Variants in KAZN observed in about 807,000 individuals in gnomAD.
The protein encoded by KAZN is kazrin, periplakin interacting protein.
A neutral mutation model predicts 87.4 loss-of-function variants in KAZN; 40 were observed. That is an observed-to-expected ratio of 0.46 (90% CI 0.36 to 0.60). The LOEUF (loss-of-function observed/expected upper bound fraction) is 0.60, where lower values mean the gene tolerates loss of function less well. Ranked by LOEUF, KAZN falls within the 20% of genes least tolerant of loss-of-function variation. The pLI is 0.00. For missense variants in KAZN, 898 were observed against 1,073.9 expected, an observed-to-expected ratio of 0.84 and a Z score of 2.29; for synonymous variants, 466 against 458.3, an observed-to-expected ratio of 1.02 and a Z score of -0.22.
At chr1:14,402,536 A>G (rs1043597662) in intron 2 of KAZN, among the ~76,000 whole-genome samples, 1 of 152,186 alleles carries the variant, frequency 6.6e-6, no homozygotes, top group Non-Finnish European at 1.5e-5. Flanking sequence ...GAATATCTAA[A>G]TGTCATAAAT....
intron 1 of KAZN, among the ~76,000 whole-genome samples, chr1:14,037,524 C>G (rs905656307): frequency 2.6e-5 from 4 of 152,296 alleles, no homozygotes; most frequent in Non-Finnish European, 4.4e-5. Context: ...AATTTAGAAC[C>G]CTGAGTCCTG....
At position 14,514,751 on chromosome 1, in the gene KAZN, G is replaced by A. The variant is rs117054343; in HGVS notation, c.250-84232G>A. On this transcript the variant is annotated intron_variant, in intron 2 of 16. Transcript: ENST00000636203. ...AGGGTCAACCACCCACTAGTTATAC[G>A]GTCTTGACAAATGACTTCAACTTCC... 1.7e-4 allele frequency among the ~76,000 whole-genome samples: 25 copies of A among 149,972 alleles called. 1 individual carries two copies. The South Asian group carries it at 4.8e-3, about 29-fold the overall frequency.
intron 1 of KAZN, among the ~76,000 whole-genome samples, chr1:14,865,216 C>A (rs181540811): frequency 2.0e-5 from 3 of 152,234 alleles, no homozygotes; most frequent in East Asian, 1.9e-4. Context: ...CTGGAGGCAC[C>A]AAGAGGAAGA....
chr1:14,424,256 T>C (rs1325272653), intron 2 of KAZN, among the ~76,000 whole-genome samples: 1 of 152,218 alleles, frequency 6.6e-6, no homozygotes, highest in Non-Finnish European at 1.5e-5. Flanking sequence ...CAGCAAATCG[T>C]AGTCTCATGA....
In KAZN at chr1:15,092,770, C is replaced by T. The variant is rs538691510; in HGVS notation, c.1223-1410C>T. 2.3e-3 allele frequency among the ~76,000 whole-genome samples: 348 copies of T among 152,286 alleles called. 2 individuals are homozygous for T. Among genetic ancestry groups the T allele is most frequent in the Non-Finnish European group, 3.5e-3 (240 of 68,030 alleles). On this transcript the variant is annotated intron_variant, in intron 8 of 14. Transcript: ENST00000376030. ...GATTATAGGCGTGAGCTACCACGCC[C>T]GGCCTGTTTAGGTTTTTATCGAACC...
At chr1:14,243,627 G>A (rs992878448) in intron 2 of KAZN, among the ~76,000 whole-genome samples, 11 of 152,108 alleles carry the variant, frequency 7.2e-5, no homozygotes, top group Admixed American at 2.0e-4. Context: ...TAAGATGACC[G>A]ATCTCATGTT....
At chr1:14,322,955 G>A (rs1656149561) in intron 2 of KAZN, among the ~76,000 whole-genome samples, 1 of 152,194 alleles carries the variant, frequency 6.6e-6, no homozygotes, top group Admixed American at 6.5e-5. Context: ...AATCATGGCA[G>A]AAGGCAAAGA....
chr1:13,948,922 C>T (rs983197620), intron 1 of KAZN, among the ~76,000 whole-genome samples: 1 of 152,078 alleles, frequency 6.6e-6, no homozygotes, highest in Non-Finnish European at 1.5e-5. Context: ...TAAGGTCACT[C>T]GGGTAGCAAG....
At chr1:15,050,082 A>ATCT in intron 4 of KAZN, among the ~76,000 whole-genome samples, 3 of 83,056 alleles carry the variant, frequency 3.6e-5, no homozygotes, top group Non-Finnish European at 4.3e-5. Flanking sequence ...AGAGTAGAGT[A>ATCT]CAGTAGAGTA....
chr1:14,372,938 C>G (rs1309288353), intron 2 of KAZN, among the ~76,000 whole-genome samples: 1 of 151,952 alleles, frequency 6.6e-6, no homozygotes, highest in Non-Finnish European at 1.5e-5. Context: ...GTAACAGAAA[C>G]AGGGGATAGA....
intron 4 of KAZN, among the ~76,000 whole-genome samples, chr1:15,052,591 CATGTGTGT>C (rs1674522913): frequency 6.6e-6 from 1 of 151,572 alleles, no homozygotes; most frequent in African/African-American, 2.4e-5. Context: ...TATGTGTGTG[CATGTGTGT>C]ATGTGTGTAT....
rs537479438 is a variant in KAZN at position 14,239,797 on chromosome 1, T to C, written c.249+59205T>C. Among the ~76,000 whole-genome samples the C allele has an allele frequency of 5.3e-4, 80 of 152,102 alleles. 1 individual carries two copies. Among genetic ancestry groups the C allele is most frequent in the African/African-American group, 1.9e-3 (78 of 41,502 alleles). ...ATAGATCATTCATTTTTAGACCAACTGAGTGTGATTTTGCCTGCTTGGAGA... is the reference window on the plus strand; with the variant it reads ...ATAGATCATTCATTTTTAGACCAACCGAGTGTGATTTTGCCTGCTTGGAGA... On this transcript the variant is annotated intron_variant, in intron 2 of 16. Coordinates refer to the KAZN transcript ENST00000636203.
At chr1:14,297,176 G>C (rs1338315226) in intron 2 of KAZN, among the ~76,000 whole-genome samples, 3 of 152,086 alleles carry the variant, frequency 2.0e-5, no homozygotes, top group Non-Finnish European at 4.4e-5. Flanking sequence ...TGCCAGCTGT[G>C]GTCAGTGGCA....
intron 2 of KAZN, among the ~76,000 whole-genome samples, chr1:14,562,587 G>A (rs1438597282): frequency 6.6e-6 from 1 of 152,172 alleles, no homozygotes; most frequent in Non-Finnish European, 1.5e-5. Flanking sequence ...CTCTGAAATA[G>A]CAGCAAGTAT....
At chr1:14,323,493 G>A (rs1656193430) in intron 2 of KAZN, among the ~76,000 whole-genome samples, 2 of 152,168 alleles carry the variant, frequency 1.3e-5, no homozygotes, top group Admixed American at 1.3e-4. Context: ...TCTGGGTGAT[G>A]TGGGATAGTC....
At chr1:14,528,369 A>G (rs932067564) in intron 2 of KAZN, among the ~76,000 whole-genome samples, 50 of 151,456 alleles carry the variant, frequency 3.3e-4, no homozygotes, top group African/African-American at 1.1e-3. Context: ...AAAGAAAGAA[A>G]AAAAGGAAAA....
At chr1:14,723,399 T>G (rs926520) in intron 1 of KAZN, among the ~76,000 whole-genome samples, 43,244 of 152,008 alleles carry the variant, frequency 0.28, 6,792 homozygotes, top group South Asian at 0.53. Flanking sequence ...GATATCAAAG[T>G]CCTCAGGTCC....
chr1:14,470,051 T>A (rs16850332), intron 2 of KAZN, among the ~76,000 whole-genome samples: 5,185 of 152,292 alleles, frequency 0.034, 238 homozygotes, highest in East Asian at 0.18. Flanking sequence ...GCAAAGCTGT[T>A]GTTATTGACC....
Position 14,184,806 on chromosome 1 carries a change from C to A in KAZN, c.249+4214C>A, listed in dbSNP as rs368501701. Among the ~76,000 whole-genome samples the A allele has an allele frequency of 6.6e-6, 1 of 152,124 alleles. No homozygotes were observed. Among genetic ancestry groups the A allele is most frequent in the East Asian group, 1.9e-4 (1 of 5,192 alleles). On this transcript the variant is annotated intron_variant, in intron 2 of 16. Transcript: ENST00000636203. The surrounding 1 kb of genome is among the most constrained non-coding windows in gnomAD (Gnocchi z 4.2). ...GTTCCTGGCAGATAGGGAGGGTTAG[C>A]GCCCCAAAGTCAACATCATCTTGCA...
Sources: allele counts gnomAD v4.1 joint callset (sites outside exome capture counted in the v4.1 genomes callset), GRCh38; gene constraint gnomAD v4.1.1; non-coding constraint Gnocchi (gnomAD v3.1); transcripts MANE v1.5; gene names NCBI Gene and HGNC (gene_info 2026-07-23, HGNC 2026-07-21).